Variants in TUT4 observed in about 807,000 individuals in gnomAD.
TUT4 encodes terminal uridylyl transferase 4.
Under a neutral mutation model 192.2 loss-of-function variants are expected in TUT4, and 36 were observed. The ratio of observed to expected loss-of-function variants is 0.19; its 90% CI spans 0.14 to 0.25. The LOEUF is 0.25. Among genes scored for constraint, TUT4 ranks in the 10% least tolerant of loss-of-function variants. The pLI is 1.00. For synonymous variants in TUT4, 618 were observed against 666.0 expected, an observed-to-expected ratio of 0.93 and a Z score of 1.11; for missense variants, 1,493 against 1,957.2, an observed-to-expected ratio of 0.76 and a Z score of 4.47.
In TUT4 at chr1:52,497,221, A is replaced by C. The variant is rs769971977; in HGVS notation, c.1000-38T>G. ...TGATTCACAACAATAAAAACAAAAA[A>C]AGTTTCTATTTTAATTGTTCTTATA... On this transcript the variant is annotated intron_variant, in intron 4 of 29. Coordinates refer to ENST00000257177, the MANE Select transcript of TUT4 (RefSeq NM_001009881.3). 7.2e-6 allele frequency: 11 copies of C among 1,523,760 alleles called. No homozygotes were observed. In the Admixed American group the frequency reaches 2.4e-4, roughly 33 times the overall value. 94.4% of individuals were successfully genotyped at this position (1,523,760 alleles called of 1,614,324 possible).
chr1:52,429,209 G>A (rs1363496494), intron 28 of TUT4, among the ~76,000 whole-genome samples: 2 of 145,820 alleles, frequency 1.4e-5, no homozygotes, highest in Admixed American at 7.0e-5. Flanking sequence ...TCAGCCTCCC[G>A]AGTAGCTGGG....
intron 4 of TUT4, among the ~76,000 whole-genome samples, chr1:52,504,273 T>G (rs758289281): frequency 4.5e-4 from 69 of 152,170 alleles, no homozygotes; most frequent in Non-Finnish European, 7.5e-4. Flanking sequence ...AAAGGCTAAC[T>G]GGTCTCCCCA....
chr1:52,457,827 A>G (rs1323868527), intron 20 of TUT4, among the ~76,000 whole-genome samples: 1 of 152,208 alleles, frequency 6.6e-6, no homozygotes, highest in Non-Finnish European at 1.5e-5. Context: ...GTTTCTTTCA[A>G]TGTACATTCT....
chr1:52,435,716 T>C (rs190749019), intron 26 of TUT4, among the ~76,000 whole-genome samples: 2 of 152,318 alleles, frequency 1.3e-5, no homozygotes, highest in Admixed American at 1.3e-4. Flanking sequence ...CAAATGTTAT[T>C]CTGCTTTTCT....
chr1:52,425,314 C>T (rs1459768486), intron 29 of TUT4, 35 bp downstream of exon 29: 2 of 1,601,858 alleles, frequency 1.2e-6, no homozygotes, highest in East Asian at 4.5e-5. Context: ...ATAAAACCCA[C>T]CCAAGCCTGT....
At position 52,541,165 on chromosome 1, in the gene TUT4, C is replaced by T. The variant is rs534145660; in HGVS notation, c.-94+11766G>A. On this transcript the variant is annotated intron_variant, in intron 1 of 29. Transcript: ENST00000257177. ...CAGAGGTTGCAGTGAGCCAAGATCA[C>T]GCGACTGCACTCCAGCCTGGGCCAC... 7.4e-5 allele frequency among the ~76,000 whole-genome samples: 11 copies of T among 149,452 alleles called. No individual in the cohort carries two copies. The East Asian group carries it at 1.2e-3, about 16-fold the overall frequency.
At chr1:52,487,763 C>A (rs970938796) in intron 9 of TUT4, among the ~76,000 whole-genome samples, 1 of 152,004 alleles carries the variant, frequency 6.6e-6, no homozygotes, top group Non-Finnish European at 1.5e-5. Flanking sequence ...CAAAAAAAAA[C>A]ACAACTCCTT....
intron 11 of TUT4, among the ~76,000 whole-genome samples, chr1:52,479,399 T>C (rs956741537): frequency 8.5e-5 from 13 of 152,082 alleles, no homozygotes; most frequent in African/African-American, 2.7e-4. Context: ...TAGGAGGCTA[T>C]AGTAGTATCC....
At position 52,435,423 on chromosome 1, in the gene TUT4, G is replaced by A. The variant is rs752977814; in HGVS notation, c.4205C>T (p.Ala1402Val). ...ATCACCCTGTTGCTGAGCTGAACCA[G>A]CCACCTGTTGAGCATTTACAAGGTT... ...VRNLVNAQQV[A>V]GSAQQQGDQS... Residue 1402 changes from alanine to valine, a missense_variant, in exon 27 of 30, where the codon GCT (alanine) becomes GTT (valine). Ala to Val is a moderately conservative substitution (Grantham distance 64). This residue lies in a region of TUT4 where 351 missense variants were observed against 397.8 expected (regional missense o/e 0.88). Coordinates refer to ENST00000257177, the MANE Select transcript of TUT4 (RefSeq NM_001009881.3). 8 of 1,614,004 alleles carry A rather than the reference G, an allele frequency of 5.0e-6. No homozygotes were observed. The highest frequency in any genetic ancestry group is 1.7e-5 in the Admixed American group (1 of 59,998).
chr1:52,484,131 T>G (rs1669195749), intron 9 of TUT4, among the ~76,000 whole-genome samples: 1 of 152,160 alleles, frequency 6.6e-6, no homozygotes, highest in South Asian at 2.1e-4. Flanking sequence ...GGAGGATCCC[T>G]TGAGCCCAGG....
chr1:52,498,978 A>G (rs1673360340), intron 4 of TUT4, among the ~76,000 whole-genome samples: 1 of 132,980 alleles, frequency 7.5e-6, no homozygotes, highest in African/African-American at 2.8e-5. Context: ...TCACAGAAAT[A>G]TAAAGATCAA....
intron 24 of TUT4, among the ~76,000 whole-genome samples, chr1:52,445,463 A>C (rs1657262594): frequency 6.6e-6 from 1 of 152,192 alleles, no homozygotes; most frequent in Non-Finnish European, 1.5e-5. Flanking sequence ...GACTATTCTC[A>C]TTCACTCAAC....
At chr1:52,478,118 G>A (rs986040771) in intron 11 of TUT4, among the ~76,000 whole-genome samples, 1 of 152,084 alleles carries the variant, frequency 6.6e-6, no homozygotes, top group Non-Finnish European at 1.5e-5. Flanking sequence ...CTGCACATTA[G>A]AATCATGTGG....
rs55749039 is a variant in TUT4 at position 52,446,450 on chromosome 1, TA to T, written c.3514-9del. On this transcript the variant is annotated splice_polypyrimidine_tract_variant and intron_variant, in intron 21 of 29. Coordinates refer to ENST00000257177, the MANE Select transcript of TUT4 (RefSeq NM_001009881.3). ...TGAAGGTAAACGCTTTTTCTACATA[TA>T]AAAAAAAAAAGAAAAGAACAATGTC... is the stretch of plus-strand genomic sequence containing the variant. The T allele has an allele frequency of 0.021, 25,832 of 1,209,306 alleles. No homozygotes were observed. Among genetic ancestry groups the T allele is most frequent in the South Asian group, 0.044 (2,752 of 63,168 alleles). 74.9% of individuals were successfully genotyped at this position (1,209,306 alleles called of 1,614,324 possible). A position where few individuals can be genotyped will look rare whatever the true frequency, so the allele number is the denominator to read the frequency against.
intron 2 of TUT4, among the ~76,000 whole-genome samples, chr1:52,520,892 A>G (rs1413355649): frequency 6.6e-6 from 1 of 152,116 alleles, no homozygotes; most frequent in Non-Finnish European, 1.5e-5. Flanking sequence ...TCCCAGGTTC[A>G]AGCAATTCTC....
intron 15 of TUT4, among the ~76,000 whole-genome samples, chr1:52,465,978 TCAAG>T (rs1664008067): frequency 6.6e-6 from 1 of 152,098 alleles, no homozygotes; most frequent in South Asian, 2.1e-4. Context: ...ACTCCTTGCC[TCAAG>T]CAATACTCCC....
At chr1:52,424,230 G>A (rs908600876) in intron 29 of TUT4, 3 of 498,562 alleles carry the variant, frequency 6.0e-6, no homozygotes, top group Admixed American at 3.5e-5. Context: ...GGAATCAAAG[G>A]GAAAAAACCC....
intron 20 of TUT4, among the ~76,000 whole-genome samples, chr1:52,448,339 G>A (rs1429522150): frequency 1.3e-5 from 2 of 152,118 alleles, no homozygotes; most frequent in Non-Finnish European, 2.9e-5. Context: ...TGTAATCCCA[G>A]CACTTTGGGA....
chr1:52,424,206 A>G (rs1410788488), intron 29 of TUT4: 1 of 556,102 alleles, frequency 1.8e-6, no homozygotes, highest in East Asian at 3.1e-5. Context: ...AGAGGACACG[A>G]AAGATGGAGA....
Sources: gnomAD v4.1 joint callset for allele counts (sites outside exome capture counted in the v4.1 genomes callset) on GRCh38, gnomAD v4.1.1 for gene constraint, gnomAD v4.1.1 regional missense constraint, MANE v1.5 for transcripts, NCBI Gene and HGNC (gene_info 2026-07-23, HGNC 2026-07-21) for gene names.